Variants in ALPK2 observed in about 807,000 individuals in gnomAD.
ALPK2 encodes the protein alpha-protein kinase 2.
ALPK2 carries 127 observed loss-of-function variants against 163.1 expected under a neutral mutation model. That is an observed-to-expected ratio of 0.78 (90% CI 0.67 to 0.90). The LOEUF (loss-of-function observed/expected upper bound fraction) is 0.90. ALPK2 is among the 40% of genes least tolerant of loss of function. The pLI is 0.00. For synonymous variants in ALPK2, 953 were observed against 959.1 expected (o/e 0.99, Z 0.12); for missense variants, 2,360 against 2,589.6 (o/e 0.91, Z 1.92).
chr18:58,499,229 A>AAAGCAATAGGCACC (rs1288486992), intron 11 of ALPK2, among the ~76,000 whole-genome samples: 1 of 152,198 alleles, frequency 6.6e-6, no homozygotes, highest in Non-Finnish European at 1.5e-5. Flanking sequence ...GGTTCAGCAA[A>AAAGCAATAGGCACC]AAGCAATAGG....
At chr18:58,595,594 G>A (rs369165968) in intron 3 of ALPK2, among the ~76,000 whole-genome samples, 13 of 152,186 alleles carry the variant, frequency 8.5e-5, no homozygotes, top group South Asian at 4.1e-4. Flanking sequence ...TGGGTCCTGT[G>A]ATCTCTCTGG....
At chr18:58,511,833 C>CACAG (rs1403340965) in intron 10 of ALPK2, 1 of 152,152 alleles carries the variant, frequency 6.6e-6, no homozygotes, top group Admixed American at 6.5e-5. Context: ...ATGAAGAGGA[C>CACAG]ACAGAGGCTT....
intron 8 of ALPK2, 136 bp downstream of exon 8, chr18:58,523,666 CATTT>C (rs2051567788): frequency 2.0e-6 from 2 of 1,003,840 alleles, no homozygotes; most frequent in Admixed American, 2.1e-5. Context: ...TGATGGCATT[CATTT>C]CTTAAGTCAC....
chr18:58,520,147 G>T (rs994065297), intron 8 of ALPK2, among the ~76,000 whole-genome samples: 2 of 152,104 alleles, frequency 1.3e-5, no homozygotes, highest in African/African-American at 4.8e-5. Context: ...ATCAAGAGAG[G>T]CCGGGTGTGG....
intron 3 of ALPK2, among the ~76,000 whole-genome samples, chr18:58,601,861 G>A (rs933336514): frequency 2.0e-5 from 3 of 152,198 alleles, no homozygotes; most frequent in African/African-American, 7.2e-5. Context: ...TTTTGTGATA[G>A]TTTGCTAAAG....
intron 4 of ALPK2, among the ~76,000 whole-genome samples, chr18:58,560,907 T>C (rs1234951032): frequency 2.6e-5 from 4 of 152,248 alleles, no homozygotes; most frequent in African/African-American, 9.6e-5. Flanking sequence ...AGCAGGCCTA[T>C]GCCCCAGAAT....
intron 12 of ALPK2, among the ~76,000 whole-genome samples, chr18:58,493,708 A>G (rs2051386597): frequency 6.6e-6 from 1 of 152,090 alleles, no homozygotes; most frequent in African/African-American, 2.4e-5. Context: ...GGTCTCGGGA[A>G]TTTGGCTTCC....
rs745812070 is a variant in ALPK2 at position 58,578,734 on chromosome 18, A to ACACACACACGCGCGCGCGTGCG, written c.1962+79_1962+80insCGCACGCGCGCGCGTGTGTGTG. 7.6e-6 allele frequency: 3 copies of ACACACACACGCGCGCGCGTGCG among 396,578 alleles called. No homozygotes were observed. In the African/African-American group the frequency reaches 1.4e-4, roughly 19 times the overall value. 24.6% of individuals were successfully genotyped at this position (396,578 alleles called of 1,614,324 possible). A position where few individuals can be genotyped will look rare whatever the true frequency, so the allele number is the denominator to read the frequency against. ...TTGTGAATGTGAAGTAAAGGAAGAG[A>ACACACACACGCGCGCGCGTGCG]CACACACACACACACACACACACAC... On this transcript the variant is annotated intron_variant, in intron 4 of 12. Coordinates refer to ENST00000361673, the MANE Select transcript of ALPK2 (RefSeq NM_052947.4).
In ALPK2 at chr18:58,490,618, C is replaced by T. The variant is rs371992035; in HGVS notation, c.6296+7431G>A. ...TGGCTCTATGTTCCCTCATAGCCTC[C>T]CTGGCTGGAGAAAAAAAAAAAAGAA... On this transcript the variant is annotated intron_variant, in intron 12 of 12. Coordinates refer to ENST00000361673, the MANE Select transcript of ALPK2 (RefSeq NM_052947.4). Among the ~76,000 whole-genome samples, 6 of 152,178 alleles carry T rather than the reference C, an allele frequency of 3.9e-5. No homozygotes were observed. The East Asian group carries it at 9.6e-4, about 24-fold the overall frequency.
At chr18:58,575,693 C>G (rs893719792) in intron 4 of ALPK2, among the ~76,000 whole-genome samples, 4 of 152,078 alleles carry the variant, frequency 2.6e-5, no homozygotes, top group Non-Finnish European at 4.4e-5. Flanking sequence ...GCAGTGTGAC[C>G]CTTGAAGATG....
intron 3 of ALPK2, chr18:58,580,992 A>G (rs2051956445): frequency 6.4e-6 from 1 of 155,748 alleles, no homozygotes. Context: ...AGCAGCCCTC[A>G]AGGCTGCTCT....
chr18:58,517,333 G>T lies in ALPK2; in HGVS notation c.5666-151C>A, dbSNP rs1284637055. 6 of 767,542 alleles carry T rather than the reference G, an allele frequency of 7.8e-6. No individual in the cohort carries two copies. The East Asian group carries it at 1.6e-4, about 21-fold the overall frequency. The allele number at this position is 767,542 out of a possible 1,614,324, so 47.5% of individuals were successfully genotyped here. A position where few individuals can be genotyped will look rare whatever the true frequency, so the allele number is the denominator to read the frequency against. On this transcript the variant is annotated intron_variant, in intron 8 of 12. Coordinates refer to ENST00000361673, the MANE Select transcript of ALPK2 (RefSeq NM_052947.4). ...AGACACACTTAACCCTTCAAAAGAG[G>T]CATAGCTAAAAGAAGAGATGAGTGG...
chr18:58,588,843 C>A (rs903014460), intron 3 of ALPK2, among the ~76,000 whole-genome samples: 2 of 152,114 alleles, frequency 1.3e-5, no homozygotes, highest in African/African-American at 2.4e-5. Context: ...TGTTGATGGG[C>A]ATTTGGGTTG....
chr18:58,594,098 C>T (rs1241675462), intron 3 of ALPK2, among the ~76,000 whole-genome samples: 1 of 151,772 alleles, frequency 6.6e-6, no homozygotes, highest in Non-Finnish European at 1.5e-5. Flanking sequence ...TGTACAATAG[C>T]GAACACGTCA....
intron 6 of ALPK2, chr18:58,528,823 C>A (rs1174490382): frequency 2.3e-5 from 10 of 426,948 alleles, no homozygotes; most frequent in Non-Finnish European, 4.3e-5. Context: ...GTTCCTTCCC[C>A]TGATTTAAAA....
intron 1 of ALPK2, among the ~76,000 whole-genome samples, chr18:58,623,717 C>T (rs79087172): frequency 0.018 from 2,711 of 152,334 alleles, 36 homozygotes; most frequent in East Asian, 0.072. Flanking sequence ...CCTCCCATCT[C>T]GGCCTCCCAA....
At chr18:58,558,111 A>G (rs2051804379) in intron 4 of ALPK2, among the ~76,000 whole-genome samples, 1 of 152,230 alleles carries the variant, frequency 6.6e-6, no homozygotes, top group South Asian at 2.1e-4. Flanking sequence ...TAAATTTAAA[A>G]GCTGATATAT....
intron 10 of ALPK2, among the ~76,000 whole-genome samples, chr18:58,504,933 C>T (rs973250703): frequency 6.6e-6 from 1 of 152,118 alleles, no homozygotes; most frequent in Non-Finnish European, 1.5e-5. Flanking sequence ...GCAGGAGCAG[C>T]ACTCCTGGCG....
At chr18:58,611,603 G>T in intron 2 of ALPK2, 86 bp downstream of exon 2, 1 of 1,169,778 alleles carries the variant, frequency 8.5e-7, no homozygotes, top group Non-Finnish European at 1.2e-6. Flanking sequence ...TTTCCCAAAT[G>T]ATGTTTTAGT....
Sources: allele counts gnomAD v4.1 joint callset (sites outside exome capture counted in the v4.1 genomes callset), GRCh38; gene constraint gnomAD v4.1.1; transcripts MANE v1.5; gene names NCBI Gene and HGNC (gene_info 2026-07-23, HGNC 2026-07-21).